Variants in ESRRG observed in about 807,000 individuals in gnomAD.
ESRRG encodes the protein estrogen related receptor gamma.
ESRRG carries 13 observed loss-of-function variants against 44.0 expected under a neutral mutation model. The observed-to-expected ratio is 0.30, with a 90% CI of 0.19 to 0.47. The LOEUF (loss-of-function observed/expected upper bound fraction) is 0.47, where lower values mean the gene tolerates loss of function less well. Ranked by LOEUF, ESRRG falls within the 20% of genes least tolerant of loss-of-function variation. ESRRG has a pLI of 1.00. For synonymous variants in ESRRG, 215 were observed against 214.6 expected, an observed-to-expected ratio of 1.00 and a Z score of -0.02; for missense variants, 395 against 580.6, an observed-to-expected ratio of 0.68 and a Z score of 3.29.
chr1:216,822,479 G>T (rs1351143300), intron 2 of ESRRG, among the ~76,000 whole-genome samples: 3 of 152,110 alleles, frequency 2.0e-5, no homozygotes, highest in Non-Finnish European at 4.4e-5. Flanking sequence ...TAACAAAAAT[G>T]CTCACAAATC....
chr1:216,943,548 G>T (rs2065593508), intron 1 of ESRRG, among the ~76,000 whole-genome samples: 1 of 152,124 alleles, frequency 6.6e-6, no homozygotes, highest in South Asian at 2.1e-4. Context: ...CTGTCCTTGG[G>T]GAAAAACACA....
chr1:216,591,443 A>G (rs561775100), intron 3 of ESRRG, among the ~76,000 whole-genome samples: 2 of 152,348 alleles, frequency 1.3e-5, no homozygotes, highest in South Asian at 4.1e-4. Context: ...CATTGTAGAT[A>G]GCATCAGAAT....
At position 216,834,444 on chromosome 1, in the gene ESRRG, C is replaced by T. The variant is rs563481667; in HGVS notation, c.-14+105138G>A. Among the ~76,000 whole-genome samples the T allele has an allele frequency of 2.6e-5, 4 of 152,128 alleles. No homozygotes were observed. The East Asian group carries it at 7.7e-4, about 29-fold the overall frequency. ...ACAATAAAATAAAAAATCAACATAA[C>T]TCTACCCGTAATATAAAGGACAAAT... On this transcript the variant is annotated intron_variant, in intron 2 of 7. Transcript: ENST00000359162.
intron 3 of ESRRG, among the ~76,000 whole-genome samples, chr1:216,641,982 A>T (rs1196678126): frequency 6.6e-6 from 1 of 152,206 alleles, no homozygotes; most frequent in African/African-American, 2.4e-5. Flanking sequence ...AGTTCAAAAA[A>T]TGGGGGATGG....
intron 1 of ESRRG, among the ~76,000 whole-genome samples, chr1:216,942,034 G>T (rs528946363): frequency 6.6e-6 from 1 of 152,026 alleles, no homozygotes; most frequent in Non-Finnish European, 1.5e-5. Flanking sequence ...ACATAGTACC[G>T]GACAGAAAGT....
At chr1:216,971,188 C>CA (rs1327742846) in intron 1 of ESRRG, among the ~76,000 whole-genome samples, 1 of 152,108 alleles carries the variant, frequency 6.6e-6, no homozygotes, top group East Asian at 1.9e-4. Context: ...TCTCTCCTTA[C>CA]AACAGTTTAA....
intron 1 of ESRRG, among the ~76,000 whole-genome samples, chr1:216,961,566 T>A (rs1057484878): frequency 1.3e-5 from 2 of 151,542 alleles, no homozygotes; most frequent in African/African-American, 4.8e-5. Flanking sequence ...CTCTTATTTT[T>A]TTTTTTTTTT....
At chr1:216,716,830 C>A (rs186462455) in intron 1 of ESRRG, among the ~76,000 whole-genome samples, 1 of 151,690 alleles carries the variant, frequency 6.6e-6, no homozygotes, top group Admixed American at 6.6e-5. Context: ...TTCCATATAG[C>A]CATAGGTTGT....
chr1:217,067,904 C>T (rs1370092805), intron 1 of ESRRG, among the ~76,000 whole-genome samples: 1 of 152,168 alleles, frequency 6.6e-6, no homozygotes, highest in African/African-American at 2.4e-5. Flanking sequence ...AGCCAATTCC[C>T]CTAAGGGTAT....
At chr1:216,542,108 G>T (rs1029657384) in intron 5 of ESRRG, among the ~76,000 whole-genome samples, 5 of 145,186 alleles carry the variant, frequency 3.4e-5, no homozygotes, top group South Asian at 2.2e-4. Context: ...GAGAGAGAGA[G>T]AGATAGAATG....
At chr1:216,864,873 C>T (rs1363881188) in intron 2 of ESRRG, 1 of 152,086 alleles carries the variant, frequency 6.6e-6, no homozygotes, top group Non-Finnish European at 1.5e-5. Flanking sequence ...CCCAGCAAAG[C>T]AGCTGATCTA....
chr1:216,630,472 AC>A lies in ESRRG; in HGVS notation c.589+20500del, dbSNP rs199716642. Among the ~76,000 whole-genome samples the A allele has an allele frequency of 8.7e-3, 1,308 of 150,540 alleles. 24 individuals are homozygous for A. Among genetic ancestry groups the A allele is most frequent in the African/African-American group, 0.031 (1,246 of 40,442 alleles). On this transcript the variant is annotated intron_variant, in intron 3 of 6. Transcript: ENST00000408911. The stretch of plus-strand genomic sequence containing the variant: ...CACACACACACACACACACACACAC[AC>A]ACAATTAAATCTTATAGGAAAAGGC...
chr1:216,597,724 G>A (rs989894955), intron 3 of ESRRG, among the ~76,000 whole-genome samples: 3 of 152,156 alleles, frequency 2.0e-5, no homozygotes, highest in Admixed American at 6.5e-5. Flanking sequence ...ACTACAAAAT[G>A]TGAAATGTAT....
chr1:216,649,208 C>T (rs755608523), intron 3 of ESRRG, among the ~76,000 whole-genome samples: 1 of 152,104 alleles, frequency 6.6e-6, no homozygotes, highest in Non-Finnish European at 1.5e-5. Flanking sequence ...GTCTTGTTCA[C>T]TGTTGTATCA....
intron 3 of ESRRG, among the ~76,000 whole-genome samples, chr1:216,625,550 G>A (rs1214127842): frequency 6.6e-6 from 1 of 151,842 alleles, no homozygotes. Context: ...CTAAATTCCA[G>A]GTGTCTAGAG....
At chr1:216,674,912 T>C (rs985047097) in intron 2 of ESRRG, among the ~76,000 whole-genome samples, 1 of 148,720 alleles carries the variant, frequency 6.7e-6, no homozygotes, top group African/African-American at 2.5e-5. Flanking sequence ...TGCACCTGAC[T>C]AAGTAAACAT....
chr1:217,080,032 AC>A (rs1357336633), intron 1 of ESRRG, among the ~76,000 whole-genome samples: 5 of 152,180 alleles, frequency 3.3e-5, no homozygotes, highest in African/African-American at 1.2e-4. Flanking sequence ...TGCAGCCTAA[AC>A]ATCAATCCAA....
chr1:216,949,506 A>T (rs1349803833), intron 1 of ESRRG, among the ~76,000 whole-genome samples: 1 of 152,090 alleles, frequency 6.6e-6, no homozygotes, highest in East Asian at 1.9e-4. Flanking sequence ...GCTTCTCTTC[A>T]TTTTTAACAA....
intron 2 of ESRRG, among the ~76,000 whole-genome samples, chr1:216,810,112 T>A (rs990431852): frequency 4.6e-5 from 7 of 151,890 alleles, no homozygotes; most frequent in African/African-American, 1.7e-4. Flanking sequence ...CTTTTATGAG[T>A]GGTGGTGGCG....
Sources: gnomAD v4.1 joint callset for allele counts (sites outside exome capture counted in the v4.1 genomes callset) on GRCh38, gnomAD v4.1.1 for gene constraint, MANE v1.5 for transcripts, NCBI Gene and HGNC (gene_info 2026-07-23, HGNC 2026-07-21) for gene names.